Variants in PAPPA2 observed in about 807,000 individuals in gnomAD.
The protein encoded by PAPPA2 is pappalysin 2, also known as pappalysin-2.
PAPPA2 carries 86 observed loss-of-function variants against 176.4 expected under a neutral mutation model. The ratio of observed to expected loss-of-function variants is 0.49; its 90% confidence interval spans 0.41 to 0.58. PAPPA2 has a LOEUF of 0.58. PAPPA2 is among the 20% of genes least tolerant of loss of function. PAPPA2 has a pLI of 0.00. For synonymous variants in PAPPA2, 809 were observed against 852.2 expected (o/e 0.95, Z 0.88); for missense variants, 2,073 against 2,256.9 (o/e 0.92, Z 1.65).
At chr1:176,515,798 C>T (rs1215312257) in intron 1 of PAPPA2, among the ~76,000 whole-genome samples, 1 of 152,042 alleles carries the variant, frequency 6.6e-6, no homozygotes, top group Admixed American at 6.6e-5. Context: ...GAGAAATGTT[C>T]ACTATGCCAT....
At chr1:176,688,764 A>T (rs1281985027) in intron 4 of PAPPA2, among the ~76,000 whole-genome samples, 1 of 152,158 alleles carries the variant, frequency 6.6e-6, no homozygotes, top group African/African-American at 2.4e-5. Flanking sequence ...GTAGTACAGT[A>T]GTCACAAGAA....
chr1:176,749,966 A>T (rs1663092600), intron 14 of PAPPA2, among the ~76,000 whole-genome samples: 1 of 152,208 alleles, frequency 6.6e-6, no homozygotes, highest in Admixed American at 6.5e-5. Context: ...ATAGACATAA[A>T]TTTTTAAATG....
At chr1:176,644,375 C>T (rs1657273226) in intron 3 of PAPPA2, among the ~76,000 whole-genome samples, 1 of 151,762 alleles carries the variant, frequency 6.6e-6, no homozygotes, top group African/African-American at 2.4e-5. Flanking sequence ...TAGGACTTGT[C>T]CTGGAGTTTA....
intron 2 of PAPPA2, among the ~76,000 whole-genome samples, chr1:176,585,661 C>T (rs1045028043): frequency 6.6e-6 from 1 of 151,866 alleles, no homozygotes; most frequent in African/African-American, 2.4e-5. Flanking sequence ...TTTTTGTAGG[C>T]TTTTTATTCA....
At chr1:176,473,269 T>G (rs944991138) in intron 1 of PAPPA2, among the ~76,000 whole-genome samples, 1 of 152,220 alleles carries the variant, frequency 6.6e-6, no homozygotes, top group African/African-American at 2.4e-5. Flanking sequence ...GAATGTCATA[T>G]AATTGGGATC....
At position 176,595,141 on chromosome 1, in the gene PAPPA2, T is replaced by G; in HGVS notation, c.1537T>G (p.Tyr513Asp). ...VCDNVELISQ[Y>D]NGYWPLRGEK... ...TGACAATGTGGAATTGATCTCCCAG[T>G]ACAATGGATACTGGCCCCTTCGGGG... The change falls in exon 3 of 23, where the codon TAC becomes GAC. Residue 513 changes from tyrosine (Y) to aspartate (D), a missense_variant. By Grantham distance (160) the Tyr-to-Asp change is radical. Around this residue, in one of 4 missense-constraint regions of PAPPA2, gnomAD observed 1,196 missense variants for 1,330.4 expected, o/e 0.90. Transcript: ENST00000367662. 6.2e-7 allele frequency: 1 copy of G among 1,614,192 alleles called. No homozygotes were observed. Among genetic ancestry groups the G allele is most frequent in the South Asian group, 1.1e-5 (1 of 91,092 alleles).
At chr1:176,825,089 G>T (rs1164923862) in intron 21 of PAPPA2, among the ~76,000 whole-genome samples, 1 of 152,202 alleles carries the variant, frequency 6.6e-6, no homozygotes, top group Non-Finnish European at 1.5e-5. Context: ...ACTTCTTAGT[G>T]CTTCCTCGGA....
Position 176,568,270 on chromosome 1 carries a change from G to A in PAPPA2, c.919+11029G>A, listed in dbSNP as rs976051439. On this transcript the variant is annotated intron_variant, in intron 2 of 22. Coordinates refer to ENST00000367662, the MANE Select transcript of PAPPA2 (RefSeq NM_020318.3). ...AGAAATATAAAGCATGCAAATGCAC[G>A]CTCAATCACTCTAAAAAAATCTATT... Among the ~76,000 whole-genome samples, 7 of 152,306 alleles carry A rather than the reference G, an allele frequency of 4.6e-5. No homozygotes were observed. The Middle Eastern group carries it at 0.017, about 370-fold the overall frequency.
At chr1:176,753,412 A>G (rs1399039638) in intron 14 of PAPPA2, among the ~76,000 whole-genome samples, 2 of 152,108 alleles carry the variant, frequency 1.3e-5, no homozygotes, top group Non-Finnish European at 2.9e-5. Flanking sequence ...TGGAGCTCAG[A>G]TTTGAAATGC....
chr1:176,724,597 A>G (rs1300011684), intron 12 of PAPPA2, among the ~76,000 whole-genome samples: 1 of 152,200 alleles, frequency 6.6e-6, no homozygotes, highest in East Asian at 1.9e-4. Flanking sequence ...CACATCAGTT[A>G]TAAATTACAG....
At chr1:176,539,454 G>C (rs1431469264) in intron 1 of PAPPA2, among the ~76,000 whole-genome samples, 1 of 152,120 alleles carries the variant, frequency 6.6e-6, no homozygotes, top group African/African-American at 2.4e-5. Flanking sequence ...ATTTACTGTG[G>C]CTCCTATTTT....
At chr1:176,682,188 G>A (rs887223186) in intron 4 of PAPPA2, among the ~76,000 whole-genome samples, 4 of 152,178 alleles carry the variant, frequency 2.6e-5, no homozygotes, top group African/African-American at 9.7e-5. Flanking sequence ...GAAGTCTTTG[G>A]TAACGTCAAC....
chr1:176,611,009 C>T (rs1054316994), intron 3 of PAPPA2, among the ~76,000 whole-genome samples: 3 of 152,234 alleles, frequency 2.0e-5, no homozygotes, highest in Non-Finnish European at 4.4e-5. Context: ...TTATCTTTAG[C>T]CCCCTAAGTC....
intron 1 of PAPPA2, among the ~76,000 whole-genome samples, chr1:176,487,706 G>A (rs1652708551): frequency 6.6e-6 from 1 of 152,014 alleles, no homozygotes; most frequent in Admixed American, 6.6e-5. Context: ...ACCTTGTAGG[G>A]GTAGAGGTTG....
intron 14 of PAPPA2, among the ~76,000 whole-genome samples, chr1:176,756,827 A>G (rs949402030): frequency 2.0e-5 from 3 of 152,060 alleles, no homozygotes; most frequent in Non-Finnish European, 4.4e-5. Context: ...CATCACTTAC[A>G]TTAGGTATTT....
chr1:176,682,766 G>A (rs1238224586), intron 4 of PAPPA2, among the ~76,000 whole-genome samples: 2 of 151,184 alleles, frequency 1.3e-5, no homozygotes, highest in Admixed American at 6.6e-5. Context: ...TTCTTTCCTT[G>A]CCCTGACTTG....
chr1:176,765,547 G>T, intron 14 of PAPPA2, 119 bp from the exon 15 acceptor site: 2 of 953,120 alleles, frequency 2.1e-6, no homozygotes, highest in South Asian at 3.2e-5. Context: ...TTAAATATCA[G>T]TTTTGGAGAA....
At chr1:176,643,405 C>A (rs1250956492) in intron 3 of PAPPA2, among the ~76,000 whole-genome samples, 4 of 151,204 alleles carry the variant, frequency 2.6e-5, no homozygotes, top group African/African-American at 9.7e-5. Flanking sequence ...ATCTCTCTTG[C>A]ATTTTCTTCT....
Position 176,595,400 on chromosome 1 carries a change from A to C in PAPPA2, c.1796A>C (p.Glu599Ala), listed in dbSNP as rs1485267170. 1 of 1,614,120 alleles carries C rather than the reference A, an allele frequency of 6.2e-7. No homozygotes were observed. The highest frequency in any genetic ancestry group is 8.5e-7 in the Non-Finnish European group (1 of 1,180,024). The change falls in exon 3 of 23, where the codon GAG (glutamate) becomes GCG (alanine). Residue 599 changes from glutamate to alanine, a missense_variant. Physicochemically the swap from Glu to Ala is moderately radical, Grantham distance 107. Coordinates refer to ENST00000367662, the MANE Select transcript of PAPPA2 (RefSeq NM_020318.3). ...SKIGNDHCDP[E>A]CEHPLTGYDG... The stretch of plus-strand genomic sequence containing the variant: ...ATTGGCAATGACCATTGTGACCCCG[A>C]GTGTGAGCACCCACTCACAGGCTAT...
Sources: allele counts gnomAD v4.1 joint callset (sites outside exome capture counted in the v4.1 genomes callset), GRCh38; gene constraint gnomAD v4.1.1; regional missense constraint gnomAD v4.1.1; transcripts MANE v1.5; gene names NCBI Gene and HGNC (gene_info 2026-07-23, HGNC 2026-07-21).